The following TCF12 variants were observed in gnomAD, a reference collection of about 807,000 sequenced individuals.
The protein encoded by TCF12 is DNA-binding protein HTF4.
In TCF12, 45 loss-of-function variants were observed where a neutral mutation model predicts 86.0. The observed-to-expected ratio is 0.52, with a 90% CI of 0.41 to 0.67. The LOEUF (loss-of-function observed/expected upper bound fraction) is 0.67, where lower values mean the gene tolerates loss of function less well. Among genes scored for constraint, TCF12 ranks in the 30% least tolerant of loss-of-function variants. The pLI is 0.00. For missense variants in TCF12, 881 were observed against 859.9 expected (o/e 1.02, Z -0.31); for synonymous variants, 330 against 299.6 (o/e 1.10, Z -1.05).
chr15:57,101,955 C>T (rs1297205964), intron 5 of TCF12, among the ~76,000 whole-genome samples: 3 of 152,216 alleles, frequency 2.0e-5, no homozygotes, highest in African/African-American at 7.2e-5. Flanking sequence ...TAGCAAACTA[C>T]ACACAAAGAG....
intron 8 of TCF12, among the ~76,000 whole-genome samples, chr15:57,198,069 C>T (rs958093050): frequency 1.3e-5 from 2 of 152,092 alleles, no homozygotes; most frequent in Admixed American, 6.6e-5. Flanking sequence ...TTTGAATTCC[C>T]CTCTTGGGAA....
chr15:57,098,009 C>CAAAAAAAAAAAAAAAA (rs72046243), intron 5 of TCF12, among the ~76,000 whole-genome samples: 9 of 48,410 alleles, frequency 1.9e-4, no homozygotes, highest in African/African-American at 2.8e-4. Flanking sequence ...TACAAAAATA[C>CAAAAAAAAAAAAAAAA]AAAAAAAAAA....
rs969175858 is a variant in TCF12 at position 57,222,570 on chromosome 15, C to G, written c.580-8582C>G. 2.6e-5 allele frequency among the ~76,000 whole-genome samples: 4 copies of G among 151,508 alleles called. No homozygotes were observed. The South Asian group carries it at 6.2e-4, about 24-fold the overall frequency. Reference sequence around the variant, plus strand: ...TATGAAAACTAAAACTATTTTGCACCTTATACTGTTTTGAAATATAAAAAA... The same window carrying G: ...TATGAAAACTAAAACTATTTTGCACGTTATACTGTTTTGAAATATAAAAAA... On this transcript the variant is annotated intron_variant, in intron 8 of 20. Transcript: ENST00000333725.
At chr15:56,920,013 TG>T in intron 2 of TCF12, 25 bp downstream of exon 2, 1 of 1,613,348 alleles carries the variant, frequency 6.2e-7, no homozygotes, top group South Asian at 1.1e-5. Flanking sequence ...CATGGCATCT[TG>T]GGGTTCTGCT....
chr15:57,284,866 T>C (rs957496942), intron 20 of TCF12, among the ~76,000 whole-genome samples: 1 of 152,274 alleles, frequency 6.6e-6, no homozygotes, highest in African/African-American at 2.4e-5. Flanking sequence ...CTCATAGCTC[T>C]ACCTTTATCT....
chr15:57,052,564 G>A (rs1189016524), intron 3 of TCF12, among the ~76,000 whole-genome samples: 1 of 151,376 alleles, frequency 6.6e-6, no homozygotes, highest in African/African-American at 2.4e-5. Flanking sequence ...TTGAACCTGG[G>A]AGGCAGAGGT....
At chr15:56,973,613 G>T (rs1479104229) in intron 3 of TCF12, among the ~76,000 whole-genome samples, 2 of 152,236 alleles carry the variant, frequency 1.3e-5, no homozygotes, top group African/African-American at 4.8e-5. Flanking sequence ...GGTAATAAGT[G>T]ATTCATGCAT....
intron 14 of TCF12, 69 bp downstream of exon 14, chr15:57,251,492 T>A: frequency 6.8e-7 from 1 of 1,472,284 alleles, no homozygotes; most frequent in Non-Finnish European, 9.4e-7. Context: ...CAATCTGGCA[T>A]AACAATAAAG....
intron 3 of TCF12, among the ~76,000 whole-genome samples, chr15:56,999,579 T>C (rs574207189): frequency 6.6e-6 from 1 of 152,130 alleles, no homozygotes; most frequent in South Asian, 2.1e-4. Flanking sequence ...CTTTTAACTA[T>C]TAAGTTGAAT....
At chr15:57,058,745 T>G (rs1440957785) in intron 3 of TCF12, among the ~76,000 whole-genome samples, 1 of 152,208 alleles carries the variant, frequency 6.6e-6, no homozygotes, top group Non-Finnish European at 1.5e-5. Flanking sequence ...GCTTTTCCCT[T>G]TTTTACTAAT....
chr15:57,221,205 A>C (rs1214784270), intron 8 of TCF12, among the ~76,000 whole-genome samples: 3 of 152,214 alleles, frequency 2.0e-5, no homozygotes, highest in Admixed American at 2.0e-4. Flanking sequence ...TGTATGTTCA[A>C]GCTGCCCATA....
chr15:56,926,312 C>CAA (rs10648785), intron 3 of TCF12, among the ~76,000 whole-genome samples: 16,353 of 127,224 alleles, frequency 0.13, 894 homozygotes, highest in Middle Eastern at 0.19. Context: ...GACTCTGTCT[C>CAA]AAAAAAAAAA....
At chr15:57,016,340 T>C (rs2065153104) in intron 3 of TCF12, among the ~76,000 whole-genome samples, 1 of 152,210 alleles carries the variant, frequency 6.6e-6, no homozygotes, top group African/African-American at 2.4e-5. Flanking sequence ...CCTGGATTAA[T>C]GCTTTAGTTT....
At chr15:57,247,604 T>A in intron 13 of TCF12, 1 of 828,582 alleles carries the variant, frequency 1.2e-6, no homozygotes. Flanking sequence ...AATCTTGCCA[T>A]ACTTTTCAAA....
intron 5 of TCF12, among the ~76,000 whole-genome samples, chr15:57,102,147 G>A (rs1472496628): frequency 6.7e-6 from 1 of 149,918 alleles, no homozygotes; most frequent in Non-Finnish European, 1.5e-5. Context: ...TGGTTAAATA[G>A]CTATATAAGT....
At chr15:57,013,202 T>G (rs1188756975) in intron 3 of TCF12, among the ~76,000 whole-genome samples, 1 of 152,220 alleles carries the variant, frequency 6.6e-6, no homozygotes, top group East Asian at 1.9e-4. Flanking sequence ...ATTTATCCAG[T>G]AAATATTTAT....
At chr15:57,206,651 G>A (rs1234679069) in intron 8 of TCF12, among the ~76,000 whole-genome samples, 3 of 129,734 alleles carry the variant, frequency 2.3e-5, no homozygotes, top group Admixed American at 9.6e-5. Context: ...GCAGTGGCAC[G>A]ATCTCAGCTC....
intron 19 of TCF12, among the ~76,000 whole-genome samples, chr15:57,275,687 T>TA (rs2061369560): frequency 1.3e-5 from 2 of 152,110 alleles, no homozygotes; most frequent in African/African-American, 2.4e-5. Flanking sequence ...ACACTTTCTA[T>TA]AAAAACAGCT....
chr15:57,223,098 CTTTG>C (rs1299352831), intron 8 of TCF12, among the ~76,000 whole-genome samples: 2 of 151,994 alleles, frequency 1.3e-5, no homozygotes, highest in East Asian at 1.9e-4. Flanking sequence ...GTGCTGGGAA[CTTTG>C]TTTATCTGAT....
Sources: gnomAD v4.1 joint callset for allele counts (sites outside exome capture counted in the v4.1 genomes callset) on GRCh38, gnomAD v4.1.1 for gene constraint, MANE v1.5 for transcripts, NCBI Gene and HGNC (gene_info 2026-07-23, HGNC 2026-07-21) for gene names.